The following RAI14 variants were observed in gnomAD, a reference collection of about 807,000 sequenced individuals.
RAI14 encodes the protein ankycorbin.
A neutral mutation model predicts 115.4 loss-of-function variants in RAI14; 45 were observed. That is an observed-to-expected ratio of 0.39 (90% CI 0.31 to 0.50). The LOEUF (loss-of-function observed/expected upper bound fraction) is 0.50, where lower values mean the gene tolerates loss of function less well. Ranked by LOEUF, RAI14 falls within the 20% of genes least tolerant of loss-of-function variation. RAI14 has a pLI of 0.85. For missense variants in RAI14, 939 were observed against 1,131.2 expected, an observed-to-expected ratio of 0.83 and a Z score of 2.44; for synonymous variants, 371 against 415.4, an observed-to-expected ratio of 0.89 and a Z score of 1.30.
intron 1 of RAI14, among the ~76,000 whole-genome samples, chr5:34,667,949 T>G (rs1446604949): frequency 1.3e-5 from 2 of 152,234 alleles, no homozygotes; most frequent in East Asian, 3.9e-4. Context: ...GACATATTGG[T>G]GATTGATCCT....
At chr5:34,733,983 A>T (rs576789802) in intron 2 of RAI14, among the ~76,000 whole-genome samples, 1 of 152,262 alleles carries the variant, frequency 6.6e-6, no homozygotes, top group South Asian at 2.1e-4. Context: ...GTGTCCCAGG[A>T]AACTCACTCA....
chr5:34,774,025 A>G (rs1272276434), intron 3 of RAI14, among the ~76,000 whole-genome samples: 1 of 152,084 alleles, frequency 6.6e-6, no homozygotes, highest in Non-Finnish European at 1.5e-5. Flanking sequence ...TTATATTGGA[A>G]AAAAACCAAA....
At chr5:34,659,075 G>C (rs532433760) in intron 1 of RAI14, 1 of 152,118 alleles carries the variant, frequency 6.6e-6, no homozygotes, top group Admixed American at 6.5e-5. Flanking sequence ...AAATACATGT[G>C]AGTTTGTGTT....
At position 34,823,808 on chromosome 5, in the gene RAI14, C is replaced by G; in HGVS notation, c.1966C>G (p.Gln656Glu). 6.2e-7 allele frequency: 1 copy of G among 1,614,088 alleles called. No individual in the cohort carries two copies. The highest frequency in any genetic ancestry group is 1.6e-4 in the Middle Eastern group (1 of 6,062). ...SELSQLYKEA[Q>E]AELEDYRKRK... ...GCTGTCACAGCTGTACAAAGAAGCC[C>G]AGGCTGAGCTGGAGGATTACAGGAA... Residue 656 changes from glutamine (Q) to glutamate (E), a missense_variant, in exon 15 of 18, where the codon CAG (glutamine) becomes GAG (glutamate). Physicochemically the swap from Gln to Glu is conservative, Grantham distance 29. Coordinates refer to ENST00000265109, the MANE Select transcript of RAI14 (RefSeq NM_015577.3). The surrounding 1 kb of genome is among the most constrained non-coding windows in gnomAD (Gnocchi z 4.5).
chr5:34,773,524 C>T (rs561422501), intron 3 of RAI14, among the ~76,000 whole-genome samples: 16 of 152,016 alleles, frequency 1.1e-4, no homozygotes, highest in African/African-American at 3.4e-4. Flanking sequence ...AACTAATATC[C>T]GGAATACACA....
intron 2 of RAI14, among the ~76,000 whole-genome samples, chr5:34,739,954 GGGAGGCA>G (rs1263678759): frequency 6.6e-6 from 1 of 152,060 alleles, no homozygotes; most frequent in East Asian, 1.9e-4. Flanking sequence ...CCAGCTACTT[GGGAGGCA>G]GGAGGCAGGA....
intron 1 of RAI14, among the ~76,000 whole-genome samples, chr5:34,676,339 A>G (rs1017630316): frequency 4.6e-5 from 7 of 152,202 alleles, no homozygotes; most frequent in African/African-American, 1.7e-4. Flanking sequence ...GTGGTATTGT[A>G]ATGAACATCA....
chr5:34,752,327 C>T (rs1290891848), intron 2 of RAI14, among the ~76,000 whole-genome samples: 2 of 152,136 alleles, frequency 1.3e-5, no homozygotes, highest in Admixed American at 6.5e-5. Flanking sequence ...GGCCAATCAA[C>T]CTCCTGCTAA....
chr5:34,768,539 A>G (rs951918133), intron 3 of RAI14, among the ~76,000 whole-genome samples: 8 of 152,200 alleles, frequency 5.3e-5, no homozygotes, highest in Non-Finnish European at 1.2e-4. Context: ...ATTAGTACAA[A>G]TCGCCTGTTC....
chr5:34,720,761 C>T (rs370253319), intron 2 of RAI14, among the ~76,000 whole-genome samples: 2 of 151,952 alleles, frequency 1.3e-5, no homozygotes, highest in African/African-American at 4.8e-5. Context: ...CATGAGGTCT[C>T]ACTGGGCTGT....
intron 2 of RAI14, among the ~76,000 whole-genome samples, chr5:34,722,799 T>C (rs959334395): frequency 1.4e-5 from 2 of 144,182 alleles, no homozygotes; most frequent in South Asian, 2.2e-4. Flanking sequence ...TGAGCCAAGA[T>C]TGCGCCACTT....
intron 2 of RAI14, among the ~76,000 whole-genome samples, chr5:34,690,343 G>A (rs1314977436): frequency 4.6e-5 from 7 of 152,150 alleles, no homozygotes; most frequent in Admixed American, 3.3e-4. Context: ...ATTTCTGGGG[G>A]GTAGGAAGAA....
chr5:34,742,277 G>C (rs1033633982), intron 2 of RAI14, among the ~76,000 whole-genome samples: 3 of 152,186 alleles, frequency 2.0e-5, no homozygotes, highest in Admixed American at 2.0e-4. Context: ...AAGTCTATAT[G>C]TGCTGAGTGG....
intron 2 of RAI14, chr5:34,733,032 G>A (rs574819209): frequency 1.3e-5 from 2 of 152,064 alleles, no homozygotes; most frequent in East Asian, 3.9e-4. Context: ...GACACAAACT[G>A]ATCTGCTCAG....
chr5:34,768,130 G>A (rs1036502130), intron 3 of RAI14, among the ~76,000 whole-genome samples: 4 of 151,910 alleles, frequency 2.6e-5, no homozygotes, highest in Middle Eastern at 3.4e-3. Context: ...CCACAGGGGC[G>A]GAGCTGCACA....
chr5:34,764,538 TCTCTC>T (rs751972357), intron 3 of RAI14, among the ~76,000 whole-genome samples: 15 of 122,090 alleles, frequency 1.2e-4, no homozygotes, highest in African/African-American at 3.0e-4. Flanking sequence ...AGGTGAATTT[TCTCTC>T]TCTCTCTCTC....
At chr5:34,682,399 T>C (rs1744458644) in intron 1 of RAI14, among the ~76,000 whole-genome samples, 1 of 152,016 alleles carries the variant, frequency 6.6e-6, no homozygotes, top group Non-Finnish European at 1.5e-5. Context: ...TTTTTTTAAA[T>C]ACTCAAAGAA....
chr5:34,763,463 T>C (rs1561328263), intron 3 of RAI14, among the ~76,000 whole-genome samples: 1 of 152,226 alleles, frequency 6.6e-6, no homozygotes, highest in Non-Finnish European at 1.5e-5. Flanking sequence ...GATAACCTCT[T>C]CTTATACTTT....
intron 2 of RAI14, among the ~76,000 whole-genome samples, chr5:34,724,325 CT>C (rs1743181125): frequency 6.6e-6 from 1 of 152,012 alleles, no homozygotes; most frequent in South Asian, 2.1e-4. Context: ...CTAGTTGTTC[CT>C]TTCTAGAGGA....
Sources: allele counts gnomAD v4.1 joint callset (sites outside exome capture counted in the v4.1 genomes callset), GRCh38; gene constraint gnomAD v4.1.1; non-coding constraint Gnocchi (gnomAD v3.1); transcripts MANE v1.5; gene names NCBI Gene and HGNC (gene_info 2026-07-23, HGNC 2026-07-21).